PPP1R12B: variants seen among roughly 807,000 people sequenced by gnomAD.
The protein encoded by PPP1R12B is myosin phosphatase target subunit 2.
Under a neutral mutation model 126.1 loss-of-function variants are expected in PPP1R12B, and 76 were observed. The observed-to-expected ratio is 0.60, with a 90% CI of 0.50 to 0.73. PPP1R12B has a LOEUF of 0.73. Ranked by LOEUF, PPP1R12B falls within the 30% of genes least tolerant of loss-of-function variation. The pLI, the probability that PPP1R12B is intolerant of heterozygous loss-of-function variation, is 0.00. For synonymous variants in PPP1R12B, 356 were observed against 434.7 expected, an observed-to-expected ratio of 0.82 and a Z score of 2.25; for missense variants, 1,052 against 1,205.1, an observed-to-expected ratio of 0.87 and a Z score of 1.88.
intron 1 of PPP1R12B, among the ~76,000 whole-genome samples, chr1:202,371,001 CTTTTTTTTTTT>C (rs774584500): frequency 9.2e-6 from 1 of 109,126 alleles, no homozygotes; most frequent in Admixed American, 9.7e-5. Context: ...TGCTCCACAT[CTTTTTTTTTTT>C]TTTTTTTTTT....
intron 16 of PPP1R12B, 24 bp from the exon 17 acceptor site, chr1:202,495,546 A>G (rs745428095): frequency 1.9e-6 from 3 of 1,612,300 alleles, no homozygotes; most frequent in Non-Finnish European, 2.5e-6. Context: ...CTTAAAGTTC[A>G]TACTTTATTT....
In PPP1R12B at chr1:202,438,023, A is replaced by G. The variant is rs1301827480; in HGVS notation, c.1457A>G (p.Lys486Arg). The G allele has an allele frequency of 1.2e-6, 2 of 1,613,900 alleles. No individual in the cohort carries two copies. The highest frequency in any genetic ancestry group is 4.5e-5 in the East Asian group (2 of 44,876). Residue 486 changes from lysine (K) to arginine (R), a missense_variant and splice_region_variant, in exon 10 of 24, where the codon AAG (lysine) becomes AGG (arginine). Coordinates refer to ENST00000608999, the MANE Select transcript of PPP1R12B (RefSeq NM_002481.4). ...RISALLDNKD[K>R]ERENKSYISS... ...TCTGCTCTACTGGACAACAAAGATA[A>G]GGTGCAGTTTGGGAGGGTATGGGGG...
At chr1:202,395,147 A>G (rs556497151) in intron 1 of PPP1R12B, among the ~76,000 whole-genome samples, 2 of 151,816 alleles carry the variant, frequency 1.3e-5, no homozygotes, top group East Asian at 3.9e-4. Context: ...AAGAAAATCA[A>G]TTTGAAGAAA....
chr1:202,436,291 A>C (rs767089194), intron 9 of PPP1R12B, among the ~76,000 whole-genome samples: 1 of 151,716 alleles, frequency 6.6e-6, no homozygotes, highest in Non-Finnish European at 1.5e-5. Flanking sequence ...AACAACAACA[A>C]CAACACACAC....
rs1299427348 is a variant in PPP1R12B, at chr1:202,586,588, G to A, written c.*6028G>A. 2 of 152,208 alleles carry A rather than the reference G, an allele frequency of 1.3e-5. No individual in the cohort carries two copies. The highest frequency in any genetic ancestry group is 1.3e-4 in the Admixed American group (2 of 15,288). The allele number at this position is 152,208 out of a possible 1,614,324, so 9.4% of individuals were successfully genotyped here. A position where few individuals can be genotyped will look rare whatever the true frequency, so the allele number is the denominator to read the frequency against. On this transcript the variant is annotated 3_prime_UTR_variant, in exon 24 of 24. Transcript: ENST00000608999. ...TGGAAAATAGATCAACTTCATTGTA[G>A]TCCAGGAACTGTTGGTCACAGCTAC... is the stretch of plus-strand genomic sequence containing the variant.
intron 21 of PPP1R12B, among the ~76,000 whole-genome samples, chr1:202,566,875 T>C (rs1291637862): frequency 6.6e-6 from 1 of 152,194 alleles, no homozygotes. Flanking sequence ...ATGTTGTCTC[T>C]GCATGACACT....
At chr1:202,386,308 T>G (rs771696394) in intron 1 of PPP1R12B, among the ~76,000 whole-genome samples, 10 of 151,410 alleles carry the variant, frequency 6.6e-5, no homozygotes, top group Non-Finnish European at 7.4e-5. Context: ...TTATGATGGG[T>G]TTCTGTGTAT....
At chr1:202,368,843 C>T (rs1659736220) in intron 1 of PPP1R12B, among the ~76,000 whole-genome samples, 1 of 152,106 alleles carries the variant, frequency 6.6e-6, no homozygotes, top group African/African-American at 2.4e-5. Context: ...GCCATCCTTC[C>T]ACCTCAGCCT....
chr1:202,529,319 AAG>A (rs1305619122), intron 18 of PPP1R12B, among the ~76,000 whole-genome samples: 3 of 152,038 alleles, frequency 2.0e-5, no homozygotes, highest in Non-Finnish European at 4.4e-5. Context: ...AAAAAAAAAA[AAG>A]AAGTTAGATG....
At chr1:202,429,616 A>T (rs1423243983) in intron 6 of PPP1R12B, among the ~76,000 whole-genome samples, 1 of 152,218 alleles carries the variant, frequency 6.6e-6, no homozygotes, top group Non-Finnish European at 1.5e-5. Flanking sequence ...AAGAGTGAAT[A>T]AGCCATATTT....
intron 18 of PPP1R12B, among the ~76,000 whole-genome samples, chr1:202,536,851 T>C (rs1165415672): frequency 1.3e-5 from 2 of 152,140 alleles, no homozygotes; most frequent in Admixed American, 6.5e-5. Flanking sequence ...AGGGTCAGAA[T>C]CATCAGTATC....
chr1:202,397,684 C>G (rs1190365157), intron 1 of PPP1R12B, among the ~76,000 whole-genome samples: 3 of 152,040 alleles, frequency 2.0e-5, no homozygotes, highest in East Asian at 1.9e-4. Flanking sequence ...AAACCCAATC[C>G]TTTTAGTCAG....
rs56752885 is a variant in PPP1R12B at position 202,555,325 on chromosome 1, G to GAAAAAAAAAAAAAAA, written c.2491-3538_2491-3524dup. Among the ~76,000 whole-genome samples, 9 of 25,356 alleles carry GAAAAAAAAAAAAAAA rather than the reference G, an allele frequency of 3.5e-4. 2 individuals are homozygous for GAAAAAAAAAAAAAAA. The highest frequency in any genetic ancestry group is 2.8e-3 in the South Asian group (1 of 352). The allele number at this position is 25,356 out of a possible 152,430, so 16.6% of individuals were successfully genotyped here. A position where few individuals can be genotyped will look rare whatever the true frequency, so the allele number is the denominator to read the frequency against. On this transcript the variant is annotated intron_variant, in intron 18 of 23. Transcript: ENST00000608999. ...AAAACCCTAATTTTCCTGTTTTAAT[G>GAAAAAAAAAAAAAAA]AAAAAAAAAAAAAAAAAAAAAAAAA...
At position 202,390,497 on chromosome 1, in the gene PPP1R12B, CTTTA is replaced by C. The variant is rs369862548; in HGVS notation, c.292-26278_292-26275del. 2.5e-3 allele frequency among the ~76,000 whole-genome samples: 378 copies of C among 152,050 alleles called. 2 individuals carry two copies. Among genetic ancestry groups the C allele is most frequent in the Non-Finnish European group, 3.8e-4 (26 of 67,980 alleles). ...AATTTGAATTCATAAAAATTAAAAGCTTTATTTATTTATTTTTAAGAGGAAGGGT... is the reference window on the plus strand; with the variant it reads ...AATTTGAATTCATAAAAATTAAAAGCTTTATTTATTTTTAAGAGGAAGGGT... On this transcript the variant is annotated intron_variant, in intron 1 of 23. Transcript: ENST00000608999.
At chr1:202,559,433 A>G (rs1316414091) in intron 19 of PPP1R12B, among the ~76,000 whole-genome samples, 1 of 152,220 alleles carries the variant, frequency 6.6e-6, no homozygotes, top group Non-Finnish European at 1.5e-5. Context: ...TGTTGAATGA[A>G]CAAACTAAAG....
intron 18 of PPP1R12B, among the ~76,000 whole-genome samples, chr1:202,555,320 T>A (rs1308604881): frequency 1.9e-5 from 1 of 51,452 alleles, no homozygotes; most frequent in Non-Finnish European, 4.3e-5. Context: ...TTTTCCTGTT[T>A]TAATGAAAAA....
At chr1:202,553,204 A>G (rs546794948) in intron 18 of PPP1R12B, among the ~76,000 whole-genome samples, 5 of 152,270 alleles carry the variant, frequency 3.3e-5, no homozygotes, top group Non-Finnish European at 7.4e-5. Flanking sequence ...TTTTACCTCT[A>G]CTCTACAATG....
intron 1 of PPP1R12B, among the ~76,000 whole-genome samples, chr1:202,356,932 C>T (rs998572423): frequency 1.3e-5 from 2 of 151,974 alleles, no homozygotes; most frequent in Non-Finnish European, 2.9e-5. Context: ...AGCGATTCTC[C>T]TGCCTCAGCC....
intron 18 of PPP1R12B, among the ~76,000 whole-genome samples, chr1:202,503,719 C>T (rs1214903897): frequency 6.6e-6 from 1 of 151,770 alleles, no homozygotes; most frequent in Non-Finnish European, 1.5e-5. Context: ...CCCCCTTTTT[C>T]CAAAACGAAA....
Sources: gnomAD v4.1 joint callset for allele counts (sites outside exome capture counted in the v4.1 genomes callset) on GRCh38, gnomAD v4.1.1 for gene constraint, MANE v1.5 for transcripts, NCBI Gene and HGNC (gene_info 2026-07-23, HGNC 2026-07-21) for gene names.